The following MLLT3 variants were observed in gnomAD, a reference collection of about 807,000 sequenced individuals.
MLLT3 encodes the protein protein AF-9.
A neutral mutation model predicts 53.2 loss-of-function variants in MLLT3; 4 were observed. The ratio of observed to expected loss-of-function variants is 0.08; its 90% CI spans 0.04 to 0.17. The LOEUF (loss-of-function observed/expected upper bound fraction) is 0.17, where lower values mean the gene tolerates loss of function less well. MLLT3 is among the 10% of genes least tolerant of loss of function. The pLI, the probability that MLLT3 is intolerant of heterozygous loss-of-function variation, is 1.00. For missense variants in MLLT3, 569 were observed against 684.0 expected, an observed-to-expected ratio of 0.83 and a Z score of 1.87; for synonymous variants, 283 against 230.6, an observed-to-expected ratio of 1.23 and a Z score of -2.06.
intron 2 of MLLT3, among the ~76,000 whole-genome samples, chr9:20,583,964 C>G (rs1057223362): frequency 6.6e-6 from 1 of 152,188 alleles, no homozygotes; most frequent in African/African-American, 2.4e-5. Flanking sequence ...ATGGGGTTTT[C>G]TTTTCTATCA....
At chr9:20,616,891 A>G (rs1269360053) in intron 2 of MLLT3, among the ~76,000 whole-genome samples, 1 of 152,162 alleles carries the variant, frequency 6.6e-6, no homozygotes, top group Non-Finnish European at 1.5e-5. Flanking sequence ...CTAGAAGTAA[A>G]TTTGCTAGGC....
At chr9:20,503,637 A>G (rs1563790631) in intron 2 of MLLT3, among the ~76,000 whole-genome samples, 5 of 152,180 alleles carry the variant, frequency 3.3e-5, no homozygotes. Context: ...ATTCTGGGTG[A>G]TGATTCTTTG....
chr9:20,514,296 G>C (rs969535957), intron 2 of MLLT3, among the ~76,000 whole-genome samples: 2 of 152,114 alleles, frequency 1.3e-5, no homozygotes, highest in African/African-American at 2.4e-5. Context: ...CCCAGGGGAA[G>C]GAATCACAGG....
Position 20,622,368 on chromosome 9 carries a change from C to A in MLLT3, c.-112G>T. 2.0e-6 allele frequency: 2 copies of A among 1,014,910 alleles called. No homozygotes were observed. The highest frequency in any genetic ancestry group is 2.8e-6 in the Non-Finnish European group (2 of 712,910). 62.9% of individuals were successfully genotyped at this position (1,014,910 alleles called of 1,614,324 possible). On this transcript the variant is annotated 5_prime_UTR_variant, in exon 1 of 11. Coordinates refer to ENST00000380338, the MANE Select transcript of MLLT3 (RefSeq NM_004529.4). Reference sequence around the variant, plus strand: ...CTATGAATGAGAGCGCGCCCAGGAGCGGAGGGTAGATGGCGGACATTCTCT... The same window carrying A: ...CTATGAATGAGAGCGCGCCCAGGAGAGGAGGGTAGATGGCGGACATTCTCT...
chr9:20,595,898 G>A (rs758886891), intron 2 of MLLT3, among the ~76,000 whole-genome samples: 3 of 152,136 alleles, frequency 2.0e-5, no homozygotes, highest in Non-Finnish European at 2.9e-5. Context: ...TGTCCAATAC[G>A]GCAGCCACTA....
chr9:20,447,989 T>C (rs369349244), intron 4 of MLLT3, 134 bp downstream of exon 4: 20 of 889,610 alleles, frequency 2.2e-5, no homozygotes, highest in East Asian at 2.2e-4. Flanking sequence ...AGCTAAGCCA[T>C]TAAGGTACAT....
intron 2 of MLLT3, among the ~76,000 whole-genome samples, chr9:20,500,201 A>G (rs1825184239): frequency 6.6e-6 from 1 of 152,206 alleles, no homozygotes; most frequent in Non-Finnish European, 1.5e-5. Flanking sequence ...CTGAAGCAAG[A>G]GCGGTGCAGG....
At chr9:20,369,864 C>T (rs545502591) in intron 5 of MLLT3, among the ~76,000 whole-genome samples, 9 of 152,268 alleles carry the variant, frequency 5.9e-5, no homozygotes, top group Admixed American at 2.0e-4. Flanking sequence ...CACCCTACCC[C>T]CTAAGAAACA....
intron 2 of MLLT3, among the ~76,000 whole-genome samples, chr9:20,536,916 C>G (rs1035239236): frequency 6.6e-6 from 1 of 150,816 alleles, no homozygotes; most frequent in African/African-American, 2.4e-5. Flanking sequence ...CATTTATAGA[C>G]AGCAGCAGCT....
chr9:20,374,440 A>G lies in MLLT3; in HGVS notation c.1126-8696T>C, dbSNP rs145323902. On this transcript the variant is annotated intron_variant, in intron 5 of 10. Transcript: ENST00000380338. The stretch of plus-strand genomic sequence containing the variant: ...ATTGTGGAAAAATGCTTTCCATTAG[A>G]TGAGTGAAATCTATGTTACCAATTC... Among the ~76,000 whole-genome samples, 664 of 152,370 alleles carry G rather than the reference A, an allele frequency of 4.4e-3. 5 individuals are homozygous for G. The highest frequency in any genetic ancestry group is 0.015 in the African/African-American group (639 of 41,596).
intron 2 of MLLT3, among the ~76,000 whole-genome samples, chr9:20,508,120 T>TG (rs2118955163): frequency 6.6e-6 from 1 of 152,306 alleles, no homozygotes; most frequent in East Asian, 1.9e-4. Context: ...TCACAGATTT[T>TG]GAAACTGCTC....
At chr9:20,395,469 A>G (rs1440126748) in intron 5 of MLLT3, among the ~76,000 whole-genome samples, 1 of 152,170 alleles carries the variant, frequency 6.6e-6, no homozygotes, top group African/African-American at 2.4e-5. Context: ...CCAGATGTAA[A>G]GTGGCATTTT....
At chr9:20,480,486 C>T (rs114766860) in intron 2 of MLLT3, among the ~76,000 whole-genome samples, 2,278 of 152,246 alleles carry the variant, frequency 0.015, 54 homozygotes, top group African/African-American at 0.051. Context: ...TATGCAAACT[C>T]AACAATGAAG....
chr9:20,432,914 A>G (rs899764770), intron 4 of MLLT3, among the ~76,000 whole-genome samples: 1 of 152,096 alleles, frequency 6.6e-6, no homozygotes, highest in East Asian at 1.9e-4. Context: ...AAGGCACATA[A>G]TAAGTATGTG....
intron 2 of MLLT3, among the ~76,000 whole-genome samples, chr9:20,523,890 G>A (rs150887896): frequency 2.0e-5 from 3 of 151,908 alleles, no homozygotes; most frequent in East Asian, 1.9e-4. Flanking sequence ...AAGTTCGCTT[G>A]AGTTCAGGAG....
Position 20,542,314 on chromosome 9 carries a change from A to G in MLLT3, c.193+78340T>C, listed in dbSNP as rs150342869. On this transcript the variant is annotated intron_variant, in intron 2 of 10. Transcript: ENST00000380338. ...GCCGGACTGCGGACCGCAGTGGCGC[A>G]ATCTCGGCTCACTGAAAGCTCCGCT... 3.9e-3 allele frequency among the ~76,000 whole-genome samples: 566 copies of G among 146,382 alleles called. 5 individuals are homozygous for G. Among genetic ancestry groups the G allele is most frequent in the Admixed American group, 0.027 (385 of 14,028 alleles).
chr9:20,603,937 A>G (rs1283745684), intron 2 of MLLT3, among the ~76,000 whole-genome samples: 2 of 152,106 alleles, frequency 1.3e-5, no homozygotes, highest in Non-Finnish European at 1.5e-5. Context: ...TTGCCTCAAT[A>G]GTTTTCATGT....
chr9:20,551,053 A>G (rs1451929517), intron 2 of MLLT3, among the ~76,000 whole-genome samples: 4 of 152,250 alleles, frequency 2.6e-5, no homozygotes, highest in Non-Finnish European at 4.4e-5. Flanking sequence ...CGTGGGCCAC[A>G]GCACCCAGCC....
At chr9:20,462,089 C>T (rs1316368587) in intron 2 of MLLT3, among the ~76,000 whole-genome samples, 4 of 152,194 alleles carry the variant, frequency 2.6e-5, no homozygotes, top group Admixed American at 2.6e-4. Context: ...AAGTCTAGAG[C>T]CAGCGTCTGA....
Sources: gnomAD v4.1 joint callset for allele counts (sites outside exome capture counted in the v4.1 genomes callset) on GRCh38, gnomAD v4.1.1 for gene constraint, MANE v1.5 for transcripts, NCBI Gene and HGNC (gene_info 2026-07-23, HGNC 2026-07-21) for gene names.